The following ACSF3 variants were observed in gnomAD, a reference collection of about 807,000 sequenced individuals.
The protein encoded by ACSF3 is acyl-CoA synthetase family member 3.
A neutral mutation model predicts 53.2 loss-of-function variants in ACSF3; 78 were observed. The observed-to-expected ratio is 1.47, with a 90% CI of 1.22 to 1.77. ACSF3 has a LOEUF of 1.77. Ranked by LOEUF, ACSF3 falls within the 40% of genes most tolerant of loss-of-function variation. The probability of loss-of-function intolerance (pLI) is 0.00; values close to 1 mark genes in which losing one functional copy is unlikely to be tolerated. For missense variants in ACSF3, 937 were observed against 771.1 expected (o/e 1.22, Z -2.55); for synonymous variants, 414 against 333.1 (o/e 1.24, Z -2.65).
At chr16:89,120,565 A>G (rs941521753) in intron 6 of ACSF3, among the ~76,000 whole-genome samples, 4 of 152,202 alleles carry the variant, frequency 2.6e-5, no homozygotes, top group Non-Finnish European at 2.9e-5. Flanking sequence ...CATGGCCATC[A>G]CTGTGGCATC....
At chr16:89,105,307 C>T (rs886463237) in intron 4 of ACSF3, among the ~76,000 whole-genome samples, 1 of 152,150 alleles carries the variant, frequency 6.6e-6, no homozygotes, top group African/African-American at 2.4e-5. Flanking sequence ...CTTCCTGGCT[C>T]CCCTGGTAGG....
At chr16:89,103,104 AGT>A (rs778178731) in intron 4 of ACSF3, among the ~76,000 whole-genome samples, 2 of 152,374 alleles carry the variant, frequency 1.3e-5, no homozygotes, top group Non-Finnish European at 2.9e-5. Context: ...GTTATGTGAA[AGT>A]GCTCTCTCTC....
At chr16:89,098,147 A>C (rs1161073101) in intron 1 of ACSF3, among the ~76,000 whole-genome samples, 1 of 152,238 alleles carries the variant, frequency 6.6e-6, no homozygotes, top group South Asian at 2.1e-4. Context: ...AACCAAGGCC[A>C]GTAGTTGAGG....
At position 89,154,332 on chromosome 16, in the gene ACSF3, G is replaced by C; in HGVS notation, c.*125G>C. 1 of 900,934 alleles carries C rather than the reference G, an allele frequency of 1.1e-6. No homozygotes were observed. Among genetic ancestry groups the C allele is most frequent in the Non-Finnish European group, 1.8e-6 (1 of 564,204 alleles). The allele number at this position is 900,934 out of a possible 1,614,324, so 55.8% of individuals were successfully genotyped here. ...TGAACCCCCCAAATCAGGTCACGTAGAATCAAGAACTGTTTGGGATGAAAT... is the reference window on the plus strand; with the variant it reads ...TGAACCCCCCAAATCAGGTCACGTACAATCAAGAACTGTTTGGGATGAAAT... On this transcript the variant is annotated 3_prime_UTR_variant, in exon 11 of 11. Transcript: ENST00000614302.
intron 4 of ACSF3, among the ~76,000 whole-genome samples, chr16:89,107,652 G>A (rs377300150): frequency 8.5e-5 from 13 of 152,328 alleles, no homozygotes; most frequent in African/African-American, 3.1e-4. Flanking sequence ...TTCAGTTTGT[G>A]GCTATTAGAA....
intron 1 of ACSF3, among the ~76,000 whole-genome samples, chr16:89,098,253 T>C (rs542949447): frequency 6.6e-6 from 1 of 152,332 alleles, no homozygotes; most frequent in South Asian, 2.1e-4. Context: ...GGTTTCAAAC[T>C]AAGAGCAGAA....
intron 6 of ACSF3, among the ~76,000 whole-genome samples, chr16:89,120,030 G>A (rs1256207324): frequency 2.6e-5 from 4 of 152,210 alleles, no homozygotes; most frequent in Non-Finnish European, 4.4e-5. Context: ...CCGTGCTGAC[G>A]CCACATCGCC....
In ACSF3 at chr16:89,101,235, T is replaced by TC; in HGVS notation, c.557dup (p.Val187GlyfsTer83). The stretch of plus-strand genomic sequence containing the variant: ...GGAGCAGTAGAGGAACCGGCAGAGG[T>TC]CCCGGTCCCAGAGCAGGGATGGAGG... On this transcript the variant is annotated frameshift_variant, in exon 3 of 11. Transcript: ENST00000614302. LOFTEE classifies it high-confidence loss of function. The TC allele has an allele frequency of 6.2e-7, 1 of 1,600,346 alleles. No homozygotes were observed. Among genetic ancestry groups the TC allele is most frequent in the South Asian group, 1.1e-5 (1 of 89,790 alleles).
chr16:89,102,693 C>T lies in ACSF3; in HGVS notation c.756C>T (p.Asn252=), dbSNP rs147718091. ...TGCACCACGTCCATGGTGTGGTCAA[C>T]GCGCTGCTCTGTCCTCTCTGGGTGG... ...LPLHHVHGVV[N]ALLCPLWVGA... is the part of the protein sequence containing the mutation. Residue 252 remains asparagine, a synonymous_variant, in exon 4 of 11, where the codon AAC becomes AAT. Transcript: ENST00000614302. The T allele has an allele frequency of 3.0e-4, 478 of 1,613,678 alleles. 4 individuals are homozygous for T. The highest frequency in any genetic ancestry group is 3.6e-4 in the Non-Finnish European group (421 of 1,180,020).
chr16:89,125,943 G>A (rs28630522), intron 7 of ACSF3, among the ~76,000 whole-genome samples: 78 of 53,392 alleles, frequency 1.5e-3, no homozygotes, highest in African/African-American at 5.3e-3. Context: ...GTAGATCCGT[G>A]AACACGGTAT....
intron 1 of ACSF3, among the ~76,000 whole-genome samples, 191 bp downstream of exon 1, chr16:89,094,187 TGGGGAGCGGGGCCCCCGCGC>T (rs956520362): frequency 2.0e-5 from 3 of 150,906 alleles, no homozygotes; most frequent in African/African-American, 7.3e-5. Flanking sequence ...TCGTGTCCGG[TGGGGAGCGGGGCCCCCGCGC>T]GGGGTGCGGG....
At chr16:89,100,548 G>C in intron 2 of ACSF3, 114 bp from the exon 3 acceptor site, 1 of 1,058,470 alleles carries the variant, frequency 9.4e-7, no homozygotes, top group Non-Finnish European at 1.4e-6. Flanking sequence ...CCTCATGACT[G>C]AAGGTGCAGC....
At chr16:89,142,628 C>T (rs953770484) in intron 8 of ACSF3, among the ~76,000 whole-genome samples, 35 of 151,354 alleles carry the variant, frequency 2.3e-4, no homozygotes, top group African/African-American at 7.8e-4. Flanking sequence ...CCTGCAGACA[C>T]CTACACCTGC....
At position 89,100,903 on chromosome 16, in the gene ACSF3, C is replaced by G; in HGVS notation, c.222C>G (p.Arg74=). 3.1e-6 allele frequency: 5 copies of G among 1,613,918 alleles called. No homozygotes were observed. The highest frequency in any genetic ancestry group is 4.2e-6 in the Non-Finnish European group (5 of 1,180,042). ...ACACGTACAGGGAGCTTTATTCCCGCAGCCTTCGCCTGTCCCAGGAGATCT... is the reference window on the plus strand; with the variant it reads ...ACACGTACAGGGAGCTTTATTCCCGGAGCCTTCGCCTGTCCCAGGAGATCT... ...GRHTYRELYS[R]SLRLSQEICR... The change falls in exon 3 of 11, where the codon CGC becomes CGG. Residue 74 remains arginine, a synonymous_variant. Coordinates refer to ENST00000614302, the MANE Select transcript of ACSF3 (RefSeq NM_001243279.3).
At chr16:89,130,829 C>G (rs899035678) in intron 7 of ACSF3, among the ~76,000 whole-genome samples, 1 of 152,100 alleles carries the variant, frequency 6.6e-6, no homozygotes, top group Non-Finnish European at 1.5e-5. Context: ...TAAGTGTTAT[C>G]TTTTCTTCTG....
chr16:89,096,804 G>A (rs962217972), intron 1 of ACSF3, among the ~76,000 whole-genome samples: 11 of 152,148 alleles, frequency 7.2e-5, no homozygotes, highest in Admixed American at 2.0e-4. Flanking sequence ...CCAGGCCCCC[G>A]TCCGTTCCTC....
chr16:89,098,022 C>G (rs752971244), intron 1 of ACSF3, among the ~76,000 whole-genome samples: 1 of 151,840 alleles, frequency 6.6e-6, no homozygotes, highest in South Asian at 2.1e-4. Flanking sequence ...TGCAGTGAGC[C>G]GAGATCGTGC....
At chr16:89,146,681 G>A (rs1297565601) in intron 10 of ACSF3, among the ~76,000 whole-genome samples, 3 of 152,190 alleles carry the variant, frequency 2.0e-5, no homozygotes, top group African/African-American at 7.2e-5. Context: ...CTGTTCCTCA[G>A]CGGTGGCCAC....
chr16:89,155,774 G>C lies in ACSF3; in HGVS notation c.*1567G>C, dbSNP rs1419551176. On this transcript the variant is annotated 3_prime_UTR_variant, in exon 11 of 11. Coordinates refer to ENST00000614302, the MANE Select transcript of ACSF3 (RefSeq NM_001243279.3). Reference sequence around the variant, plus strand: ...ACTTAATTCCACTAATTTTACATTTGCATCTCTCTCCTTTAATCCTGAAAC... The same window carrying C: ...ACTTAATTCCACTAATTTTACATTTCCATCTCTCTCCTTTAATCCTGAAAC... 1 of 448,048 alleles carries C rather than the reference G, an allele frequency of 2.2e-6. No homozygotes were observed. The highest frequency in any genetic ancestry group is 2.0e-5 in the African/African-American group (1 of 48,886). 27.8% of individuals were successfully genotyped at this position (448,048 alleles called of 1,614,324 possible).
Sources: gnomAD v4.1 joint callset for allele counts (sites outside exome capture counted in the v4.1 genomes callset) on GRCh38, gnomAD v4.1.1 for gene constraint, MANE v1.5 for transcripts, NCBI Gene and HGNC (gene_info 2026-07-23, HGNC 2026-07-21) for gene names.